AUTS2: variants seen among roughly 807,000 people sequenced by gnomAD.
The protein encoded by AUTS2 is activator of transcription and developmental regulator AUTS2.
In AUTS2, 17 loss-of-function variants were observed where a neutral mutation model predicts 112.4. The observed-to-expected ratio is 0.15, with a 90% CI of 0.10 to 0.23. The LOEUF (loss-of-function observed/expected upper bound fraction) is 0.23. Among genes scored for constraint, AUTS2 ranks in the 10% least tolerant of loss-of-function variants. AUTS2 has a pLI of 1.00. For missense variants in AUTS2, 1,510 were observed against 1,701.6 expected (o/e 0.89, Z 1.98); for synonymous variants, 751 against 702.7 (o/e 1.07, Z -1.09).
At chr7:69,950,212 C>T (rs1046637671) in intron 2 of AUTS2, among the ~76,000 whole-genome samples, 3 of 151,902 alleles carry the variant, frequency 2.0e-5, no homozygotes, top group South Asian at 2.1e-4. Flanking sequence ...ATTTTAAAAA[C>T]GTAGCACAAA....
intron 4 of AUTS2, among the ~76,000 whole-genome samples, chr7:70,152,442 TGGAAA>T (rs1807494024): frequency 6.7e-6 from 1 of 149,308 alleles, no homozygotes; most frequent in Non-Finnish European, 1.5e-5. Flanking sequence ...TTTTTTTTTC[TGGAAA>T]AAAAAAATGC....
At chr7:70,150,572 T>C (rs1278172402) in intron 4 of AUTS2, among the ~76,000 whole-genome samples, 3 of 152,202 alleles carry the variant, frequency 2.0e-5, no homozygotes, top group Non-Finnish European at 1.5e-5. Context: ...TCAAGTGTTT[T>C]AAGTGATAGA....
At chr7:70,405,608 A>G (rs898667518) in intron 4 of AUTS2, among the ~76,000 whole-genome samples, 35 of 152,214 alleles carry the variant, frequency 2.3e-4, no homozygotes, top group African/African-American at 8.0e-4. Context: ...ATACTCGATA[A>G]AGCGTGGTTG....
intron 1 of AUTS2, among the ~76,000 whole-genome samples, chr7:69,891,822 A>G (rs1259291431): frequency 1.7e-5 from 1 of 59,722 alleles, no homozygotes; most frequent in African/African-American, 5.9e-5. Flanking sequence ...GAGATGGAGT[A>G]TCTCTCTGTC....
chr7:69,750,054 T>C (rs184576473), intron 1 of AUTS2, among the ~76,000 whole-genome samples: 100 of 152,316 alleles, frequency 6.6e-4, no homozygotes, highest in African/African-American at 2.2e-3. Context: ...GATATTCATA[T>C]TGCAACAGCC....
chr7:69,826,545 C>T (rs1791253966), intron 1 of AUTS2, among the ~76,000 whole-genome samples: 1 of 152,078 alleles, frequency 6.6e-6, no homozygotes. Context: ...TGTGTGTGTG[C>T]GTGTGCAACT....
intron 2 of AUTS2, among the ~76,000 whole-genome samples, chr7:70,038,226 A>G (rs1450314908): frequency 6.6e-6 from 1 of 152,116 alleles, no homozygotes; most frequent in Non-Finnish European, 1.5e-5. Context: ...GAAACCAAGC[A>G]TTTCAAAGTA....
At chr7:69,790,927 T>G (rs567861948) in intron 1 of AUTS2, among the ~76,000 whole-genome samples, 1 of 152,374 alleles carries the variant, frequency 6.6e-6, no homozygotes, top group East Asian at 1.9e-4. Context: ...CTATCCGCAC[T>G]TAACTGAAAC....
intron 4 of AUTS2, among the ~76,000 whole-genome samples, chr7:70,328,352 G>T (rs185452824): frequency 1.3e-5 from 2 of 152,176 alleles, no homozygotes; most frequent in East Asian, 1.9e-4. Context: ...CTCCCTAGCA[G>T]CTGGGACTAC....
chr7:69,973,154 A>T (rs1797923606), intron 2 of AUTS2, among the ~76,000 whole-genome samples: 1 of 152,108 alleles, frequency 6.6e-6, no homozygotes, highest in African/African-American at 2.4e-5. Context: ...TACAAGTCCT[A>T]TATGAATTAG....
chr7:69,602,163 T>G (rs1792474771), intron 1 of AUTS2, among the ~76,000 whole-genome samples: 1 of 151,874 alleles, frequency 6.6e-6, no homozygotes. Context: ...GGGCTTGTGA[T>G]ATATATCTAT....
chr7:69,709,920 T>C (rs1170173005), intron 1 of AUTS2, among the ~76,000 whole-genome samples: 1 of 152,152 alleles, frequency 6.6e-6, no homozygotes, highest in Non-Finnish European at 1.5e-5. Flanking sequence ...TTTTAGTTTC[T>C]TCCCTTCAAA....
chr7:70,149,221 A>G (rs1053928139), intron 4 of AUTS2, among the ~76,000 whole-genome samples: 1 of 152,000 alleles, frequency 6.6e-6, no homozygotes, highest in Non-Finnish European at 1.5e-5. Flanking sequence ...GTAAATATCA[A>G]TAGTTAAAAC....
At chr7:69,940,405 A>G (rs916976152) in intron 2 of AUTS2, among the ~76,000 whole-genome samples, 3 of 152,202 alleles carry the variant, frequency 2.0e-5, no homozygotes, top group Non-Finnish European at 2.9e-5. Flanking sequence ...GGGCTCATGG[A>G]CAAAACTATT....
At chr7:70,526,443 G>A (rs559077150) in intron 5 of AUTS2, among the ~76,000 whole-genome samples, 36 of 152,264 alleles carry the variant, frequency 2.4e-4, no homozygotes, top group Non-Finnish European at 4.4e-4. Flanking sequence ...AGGCCAAGGC[G>A]GGCAGATCAT....
chr7:69,741,753 A>T (rs1179877423), intron 1 of AUTS2, among the ~76,000 whole-genome samples: 1 of 151,276 alleles, frequency 6.6e-6, no homozygotes, highest in East Asian at 1.9e-4. Flanking sequence ...AATACAAGTG[A>T]CTACCCTATA....
At chr7:69,777,531 A>G (rs1788946951) in intron 1 of AUTS2, among the ~76,000 whole-genome samples, 1 of 152,168 alleles carries the variant, frequency 6.6e-6, no homozygotes, top group South Asian at 2.1e-4. Flanking sequence ...GCTGTGTTTT[A>G]AAATAAAGCT....
rs182952849 is a variant in AUTS2, at chr7:69,652,222, C to T, written c.309+52260C>T. On this transcript the variant is annotated intron_variant, in intron 1 of 18. Coordinates refer to ENST00000342771, the MANE Select transcript of AUTS2 (RefSeq NM_015570.4). The stretch of plus-strand genomic sequence containing the variant: ...AAGGTGAGCAGGCATTTTAACTTTC[C>T]GGGAATAAGTTGGTTTTATTGGTTT... 5.3e-5 allele frequency among the ~76,000 whole-genome samples: 8 copies of T among 151,930 alleles called. No individual in the cohort carries two copies. In the East Asian group the frequency reaches 1.2e-3, roughly 22 times the overall value.
At chr7:70,153,150 C>T (rs1807538456) in intron 4 of AUTS2, among the ~76,000 whole-genome samples, 1 of 152,048 alleles carries the variant, frequency 6.6e-6, no homozygotes, top group Non-Finnish European at 1.5e-5. Context: ...TTGTAATAGC[C>T]CCAAATTGGA....
Sources: gnomAD v4.1 joint callset for allele counts (sites outside exome capture counted in the v4.1 genomes callset) on GRCh38, gnomAD v4.1.1 for gene constraint, MANE v1.5 for transcripts, NCBI Gene and HGNC (gene_info 2026-07-23, HGNC 2026-07-21) for gene names.